Variants in ABHD2 observed in about 807,000 individuals in gnomAD.
ABHD2 encodes the protein monoacylglycerol lipase ABHD2.
A neutral mutation model predicts 48.1 loss-of-function variants in ABHD2; 20 were observed. The ratio of observed to expected loss-of-function variants is 0.42; its 90% CI spans 0.29 to 0.60. The LOEUF is 0.60. ABHD2 is among the 20% of genes least tolerant of loss of function. ABHD2 has a pLI of 0.24. For missense variants in ABHD2, 405 were observed against 550.9 expected (o/e 0.74, Z 2.65); for synonymous variants, 209 against 214.2 (o/e 0.98, Z 0.21).
chr15:89,063,860 G>A, the ABHD2 span, among the ~76,000 whole-genome samples: 5 of 152,144 alleles, frequency 3.3e-5, no homozygotes, highest in Admixed American at 6.5e-5. Context: ...TGGGTAGCGG[G>A]GATGTTTTCA....
At chr15:89,149,473 T>G (rs1226825694) in intron 3 of ABHD2, among the ~76,000 whole-genome samples, 1 of 152,224 alleles carries the variant, frequency 6.6e-6, no homozygotes, top group African/African-American at 2.4e-5. Context: ...GTGTAATGTA[T>G]GTCCAGTGCT....
At chr15:89,127,709 A>G (rs1457923929) in intron 3 of ABHD2, among the ~76,000 whole-genome samples, 1 of 89,382 alleles carries the variant, frequency 1.1e-5, no homozygotes, top group East Asian at 2.4e-4. Flanking sequence ...ATATATACAT[A>G]TATATATATA....
At chr15:89,074,406 TAAAC>T in the ABHD2 span, among the ~76,000 whole-genome samples, 4 of 151,808 alleles carry the variant, frequency 2.6e-5, no homozygotes, top group Non-Finnish European at 5.9e-5. Flanking sequence ...CTGAAGATCT[TAAAC>T]AATTCTGATG....
chr15:89,099,147 G>C (rs2049660356), intron 1 of ABHD2, among the ~76,000 whole-genome samples: 1 of 152,220 alleles, frequency 6.6e-6, no homozygotes, highest in African/African-American at 2.4e-5. Context: ...TTGTCAGTAA[G>C]TTAGGCATTC....
At position 89,166,420 on chromosome 15, in the gene ABHD2, C is replaced by T. The variant is rs1176263353; in HGVS notation, c.539-9392C>T. Among the ~76,000 whole-genome samples the T allele has an allele frequency of 6.6e-6, 1 of 152,202 alleles. No homozygotes were observed. The highest frequency in any genetic ancestry group is 1.5e-5 in the Non-Finnish European group (1 of 68,034). On this transcript the variant is annotated intron_variant, in intron 5 of 10. Coordinates refer to ENST00000352732, the MANE Select transcript of ABHD2 (RefSeq NM_152924.5). This position sits in a 1 kb window ranked among gnomAD's most constrained non-coding sequence, Gnocchi z 4.6. Reference sequence around the variant, plus strand: ...TGTGAGGAAGTACGTGAAATCACAGCATTGAATTCTCTTGCTGGGAGGAGG... The same window carrying T: ...TGTGAGGAAGTACGTGAAATCACAGTATTGAATTCTCTTGCTGGGAGGAGG...
chr15:89,059,136 T>A, the ABHD2 span, among the ~76,000 whole-genome samples: 1 of 152,154 alleles, frequency 6.6e-6, no homozygotes, highest in Non-Finnish European at 1.5e-5. Context: ...CTCTCCAGCA[T>A]CTCCCATCAT....
Position 89,188,516 on chromosome 15 carries a change from G to A in ABHD2, c.926+213G>A, listed in dbSNP as rs1022808099. On this transcript the variant is annotated intron_variant, in intron 8 of 10. Transcript: ENST00000352732. The surrounding 1 kb of genome is among the most constrained non-coding windows in gnomAD (Gnocchi z 4.1). ...CTCCTGGAAAATAGGAAAAGGATCC[G>A]ACCACTCATTCTGCATTCCTACAAA... 7.9e-5 allele frequency among the ~76,000 whole-genome samples: 12 copies of A among 152,140 alleles called. No homozygotes were observed. The highest frequency in any genetic ancestry group is 2.7e-4 in the African/African-American group (11 of 41,418).
chr15:89,067,201 C>A, the ABHD2 span, among the ~76,000 whole-genome samples: 1 of 152,158 alleles, frequency 6.6e-6, no homozygotes, highest in Non-Finnish European at 1.5e-5. Context: ...GCCCGGAGCT[C>A]TGGAAGCCCA....
At position 89,185,485 on chromosome 15, in the gene ABHD2, G is replaced by A; in HGVS notation, c.784G>A (p.Asp262Asn). ...GCGGTTCTACAACTTCCTCATGGCT[G>A]ACAACATGAAGAAGATCATCCTCTC... ...CRRFYNFLMADNMKKIILSHR... is the reference protein window; with the variant it reads ...CRRFYNFLMANNMKKIILSHR... Residue 262 changes from aspartate (D) to asparagine (N), a missense_variant, in exon 7 of 11, where the codon GAC becomes AAC. By Grantham distance (23) the Asp-to-Asn change is conservative. Transcript: ENST00000352732. The surrounding 1 kb of genome is among the most constrained non-coding windows in gnomAD (Gnocchi z 5.9). 2 of 1,614,104 alleles carry A rather than the reference G, an allele frequency of 1.2e-6. No homozygotes were observed. Among genetic ancestry groups the A allele is most frequent in the Non-Finnish European group, 1.7e-6 (2 of 1,180,006 alleles).
chr15:89,191,165 G>T lies in ABHD2; in HGVS notation c.996+16G>T. The T allele has an allele frequency of 1.2e-6, 2 of 1,613,260 alleles. No individual in the cohort carries two copies. The highest frequency in any genetic ancestry group is 1.7e-6 in the Non-Finnish European group (2 of 1,179,540). On this transcript the variant is annotated intron_variant, in intron 9 of 10. Transcript: ENST00000352732. ...CCTGCACAGGGTGAGTGGCCATCAC[G>T]GGCTCAGAATCAGCATCACTCCACC...
At chr15:89,075,876 G>A in the ABHD2 span, among the ~76,000 whole-genome samples, 5 of 152,202 alleles carry the variant, frequency 3.3e-5, no homozygotes, top group East Asian at 7.7e-4. This position sits in a 1 kb window ranked among gnomAD's most constrained non-coding sequence, Gnocchi z 4.1. Context: ...CCCAAGCAGG[G>A]GGCCTGGCCA....
At chr15:89,073,823 T>C in the ABHD2 span, among the ~76,000 whole-genome samples, 2 of 152,162 alleles carry the variant, frequency 1.3e-5, no homozygotes, top group African/African-American at 4.8e-5. Flanking sequence ...GGTCTCAAAC[T>C]TGAACCACCT....
At chr15:89,139,404 C>T (rs1439718555) in intron 3 of ABHD2, among the ~76,000 whole-genome samples, 2 of 152,244 alleles carry the variant, frequency 1.3e-5, no homozygotes, top group East Asian at 3.9e-4. Context: ...CCCCATTGCC[C>T]ACCGCTCCTG....
intron 1 of ABHD2, among the ~76,000 whole-genome samples, chr15:89,101,520 A>C (rs1348946615): frequency 6.6e-6 from 1 of 152,212 alleles, no homozygotes; most frequent in East Asian, 1.9e-4. Flanking sequence ...TTAATGCCAC[A>C]GACTTAGTCA....
intron 3 of ABHD2, among the ~76,000 whole-genome samples, chr15:89,143,045 G>T (rs974813100): frequency 2.6e-5 from 4 of 151,968 alleles, no homozygotes; most frequent in Middle Eastern, 3.4e-3. Context: ...ATCTTCATCA[G>T]GGTTGTTTTC....
the ABHD2 span, among the ~76,000 whole-genome samples, chr15:89,070,904 T>C: frequency 3.9e-5 from 6 of 152,114 alleles, no homozygotes; most frequent in Non-Finnish European, 8.8e-5. Flanking sequence ...TTTCATGGCC[T>C]TTGGCTCTGC....
chr15:89,158,160 G>A (rs2050704803), intron 5 of ABHD2, among the ~76,000 whole-genome samples: 1 of 152,188 alleles, frequency 6.6e-6, no homozygotes, highest in Non-Finnish European at 1.5e-5. Context: ...CAGTACTGAT[G>A]TCACATGTAG....
rs1567104426 is a variant in ABHD2, at chr15:89,174,947, C to T, written c.539-865C>T. On this transcript the variant is annotated intron_variant, in intron 5 of 10. Transcript: ENST00000352732. The surrounding 1 kb of genome is among the most constrained non-coding windows in gnomAD (Gnocchi z 4.1). Reference sequence around the variant, plus strand: ...AACAACCCTCTCTGTTAAGAGGTCTCATCTGTGTATTTTTGAATGAGCCTG... The same window carrying T: ...AACAACCCTCTCTGTTAAGAGGTCTTATCTGTGTATTTTTGAATGAGCCTG... 2.0e-5 allele frequency among the ~76,000 whole-genome samples: 3 copies of T among 152,206 alleles called. No individual in the cohort carries two copies. Among genetic ancestry groups the T allele is most frequent in the African/African-American group, 7.2e-5 (3 of 41,442 alleles).
intron 3 of ABHD2, among the ~76,000 whole-genome samples, chr15:89,119,470 T>G (rs2150821055): frequency 6.6e-6 from 1 of 152,382 alleles, no homozygotes; most frequent in East Asian, 1.9e-4. Context: ...TCCGCGTTAC[T>G]ACTGCATTTG....
Sources: gnomAD v4.1 joint callset for allele counts (sites outside exome capture counted in the v4.1 genomes callset) on GRCh38, gnomAD v4.1.1 for gene constraint, Gnocchi (gnomAD v3.1) non-coding constraint, MANE v1.5 for transcripts, NCBI Gene and HGNC (gene_info 2026-07-23, HGNC 2026-07-21) for gene names.